SASH3: variants seen among roughly 807,000 people sequenced by gnomAD.
The protein encoded by SASH3 is SAM and SH3 domain containing 3.
SASH3 carries 7 observed loss-of-function variants against 26.1 expected under a neutral mutation model. That is an observed-to-expected ratio of 0.27 (90% CI 0.15 to 0.50). The LOEUF is 0.50. Ranked by LOEUF, SASH3 falls within the 20% of genes least tolerant of loss-of-function variation. SASH3 has a pLI of 0.98. For missense variants in SASH3, 231 were observed against 318.3 expected (o/e 0.73, Z 2.09); for synonymous variants, 138 against 136.8 (o/e 1.01, Z -0.06).
At chrX:129,787,349 G>A (rs369945216) in intron 1 of SASH3, among the ~76,000 whole-genome samples, 2 of 111,969 alleles carry the variant, frequency 1.8e-5, no homozygotes, top group South Asian at 3.6e-4. Context: ...CCCCAATCAC[G>A]TATGTCCTAA....
At chrX:129,786,330 C>T (rs1036941240) in intron 1 of SASH3, among the ~76,000 whole-genome samples, 9 of 112,180 alleles carry the variant, frequency 8.0e-5, no homozygotes, top group African/African-American at 2.6e-4. Context: ...TAAACTGCTA[C>T]ACTGCAGTCC....
Position 129,793,050 on chromosome X carries a change from G to A in SASH3, c.863G>A (p.Arg288Gln), listed in dbSNP as rs777927882. ...ACACTGGAAGACTTCAAAGAGCTGC[G>A]AGAAACACACCTCAATGAGCTGAAC... ...YQTLEDFKEL[R>Q]ETHLNELNIM... Residue 288 changes from arginine to glutamine, a missense_variant, in exon 7 of 8, where the codon CGA (arginine) becomes CAA (glutamine). Arg to Gln is a conservative substitution (Grantham distance 43, BLOSUM62 1). Transcript: ENST00000356892. 5.8e-6 allele frequency: 7 copies of A among 1,211,551 alleles called. No individual in the cohort carries two copies. The highest frequency in any genetic ancestry group is 1.8e-5 in the South Asian group (1 of 56,992).
At chrX:129,788,137 G>GCGGGGGGGGGGGGGGGGGGGGGGGGGGGC in intron 2 of SASH3, 67 bp downstream of exon 2, 1 of 354,267 alleles carries the variant, frequency 2.8e-6, no homozygotes, top group Non-Finnish European at 5.4e-6. Context: ...GGGTGGGAGG[G>GCGGGGGGGGGGGGGGGGGGGGGGGGGGGC]AAGAGGGTGA....
At chrX:129,790,259 T>C (rs1927207099) in intron 3 of SASH3, among the ~76,000 whole-genome samples, 2 of 111,024 alleles carry the variant, frequency 1.8e-5, no homozygotes, top group Admixed American at 1.9e-4. Context: ...CGTCCAGTGA[T>C]GTCAAAATGG....
intron 5 of SASH3, 24 bp from the exon 6 acceptor site, chrX:129,792,603 T>TTCTCC: frequency 2.5e-6 from 3 of 1,204,052 alleles, no homozygotes; most frequent in Non-Finnish European, 3.4e-6. Flanking sequence ...CCTTGCTCCC[T>TTCTCC]TCTCCTCTCC....
chrX:129,786,872 G>A (rs1361228785), intron 1 of SASH3, among the ~76,000 whole-genome samples: 2 of 110,416 alleles, frequency 1.8e-5, no homozygotes, highest in Admixed American at 1.9e-4. Context: ...GCAGGCACCT[G>A]TAGTCCCAGC....
rs145839385 is a variant in SASH3, at chrX:129,792,828, G to A, written c.793G>A (p.Gly265Ser). Residue 265 changes from glycine (G) to serine (S), a missense_variant, in exon 6 of 8, where the codon GGC becomes AGC. Gly to Ser is a moderately conservative substitution (Grantham distance 56). Coordinates refer to ENST00000356892, the MANE Select transcript of SASH3 (RefSeq NM_018990.4). ...KTLHELLERI[G>S]LEEHTSTLLL... The stretch of plus-strand genomic sequence containing the variant: ...CCTGCATGAGCTGCTGGAGCGCATC[G>A]GCCTGGAGGTTTGAGCTTGGTCCTC... 2.9e-5 allele frequency: 34 copies of A among 1,182,611 alleles called. No individual in the cohort carries two copies. Among genetic ancestry groups the A allele is most frequent in the Non-Finnish European group, 3.7e-5 (33 of 882,961 alleles).
In SASH3 at chrX:129,792,782, C is replaced by G. The variant is rs1927255465; in HGVS notation, c.747C>G (p.Gly249=). 3.3e-6 allele frequency: 4 copies of G among 1,202,012 alleles called. No homozygotes were observed. The highest frequency in any genetic ancestry group is 1.1e-6 in the Non-Finnish European group (1 of 893,001). ...HARPSRRQSK[G]KRPKPKTLHE... ...GCCCCAGCCGCCGACAGAGCAAGGG[C>G]AAGAGGCCCAAGCCTAAGACCCTGC... Residue 249 remains glycine, a synonymous_variant, in exon 6 of 8, where the codon GGC becomes GGG. Transcript: ENST00000356892.
In SASH3 at chrX:129,791,096, C is replaced by T. The variant is rs747431851; in HGVS notation, c.442+15C>T. On this transcript the variant is annotated intron_variant, in intron 4 of 7. Transcript: ENST00000356892. ...GGCATCAACAGGTGAGTAGGGGATG[C>T]GGGGGACACCTGCCGAATCTGGAGG... is the stretch of plus-strand genomic sequence containing the variant. 2.6e-5 allele frequency: 31 copies of T among 1,202,027 alleles called. No individual in the cohort carries two copies. The highest frequency in any genetic ancestry group is 1.1e-4 in the South Asian group (6 of 55,883).
chrX:129,792,540 G>A, intron 5 of SASH3, 64 bp downstream of exon 5: 4 of 1,205,222 alleles, frequency 3.3e-6, no homozygotes, highest in Non-Finnish European at 4.5e-6. Context: ...AAGCTGGACT[G>A]AACCAGGCTA....
chrX:129,780,061 A>G lies in SASH3; in HGVS notation c.-37A>G, dbSNP rs1926987338. 8.4e-7 allele frequency: 1 copy of G among 1,195,206 alleles called. No individual in the cohort carries two copies. Among genetic ancestry groups the G allele is most frequent in the African/African-American group, 1.8e-5 (1 of 57,006 alleles). On this transcript the variant is annotated 5_prime_UTR_variant, in exon 1 of 8. The change abolishes the stop of an existing upstream ORF in the 5' untranslated region. Transcript: ENST00000356892. The stretch of plus-strand genomic sequence containing the variant: ...AAGAGGCCTCTGCATCTTGACACCT[A>G]GGAGAGCAGGGACGGAGTCTCCCAG...
In SASH3 at chrX:129,788,468, A is replaced by G. The variant is rs777364769; in HGVS notation, c.191A>G (p.Asp64Gly). Residue 64 changes from aspartate (D) to glycine (G), a missense_variant, in exon 3 of 8, where the codon GAT (aspartate) becomes GGT (glycine). By Grantham distance (94) the Asp-to-Gly change is moderately conservative. Transcript: ENST00000356892. ...EDDSGVPTPE[D>G]AGKSGKKLGK... ...GACTCAGGTGTCCCCACCCCAGAAG[A>G]TGCTGGGAAGAGTGGCAAAAAGCTG... is the stretch of plus-strand genomic sequence containing the variant. 2.5e-6 allele frequency: 3 copies of G among 1,210,915 alleles called. No individual in the cohort carries two copies. The highest frequency in any genetic ancestry group is 3.4e-6 in the Non-Finnish European group (3 of 894,629).
rs1293367501 is a variant in SASH3, at chrX:129,788,458, A to C, written c.181A>C (p.Thr61Pro). The change falls in exon 3 of 8, where the codon ACC becomes CCC. Residue 61 changes from threonine to proline, a missense_variant. Thr to Pro is a conservative substitution (Grantham distance 38). Transcript: ENST00000356892. Reference sequence around the variant, plus strand: ...TCCAGAAGATGACTCAGGTGTCCCCACCCCAGAAGATGCTGGGAAGAGTGG... The same window carrying C: ...TCCAGAAGATGACTCAGGTGTCCCCCCCCCAGAAGATGCTGGGAAGAGTGG... ...NIPEDDSGVP[T>P]PEDAGKSGKK... The C allele has an allele frequency of 4.1e-6, 5 of 1,209,341 alleles. No homozygotes were observed. Among genetic ancestry groups the C allele is most frequent in the Non-Finnish European group, 5.6e-6 (5 of 894,693 alleles).
At chrX:129,785,111 T>C (rs977981710) in intron 1 of SASH3, among the ~76,000 whole-genome samples, 5 of 110,375 alleles carry the variant, frequency 4.5e-5, no homozygotes, top group African/African-American at 1.6e-4. Context: ...ATATTTCAAA[T>C]GTAATATACA....
chrX:129,789,028 G>A (rs1398421916), intron 3 of SASH3, among the ~76,000 whole-genome samples: 1 of 106,984 alleles, frequency 9.3e-6, no homozygotes, highest in Non-Finnish European at 1.9e-5. Context: ...CTTGAACTTA[G>A]GAGACAGAGG....
rs774719160 is a variant in SASH3 at position 129,794,232 on chromosome X, G to A, written c.*400G>A. On this transcript the variant is annotated 3_prime_UTR_variant, in exon 8 of 8. Transcript: ENST00000356892. ...CCCCTGTCGCACTGCTCCTGAAAAG[G>A]GGGCCAAGTCAATGTTTCAGGTCAG... 4 of 176,689 alleles carry A rather than the reference G, an allele frequency of 2.3e-5. No homozygotes were observed. The highest frequency in any genetic ancestry group is 4.3e-5 in the Non-Finnish European group (4 of 93,358). The allele number at this position is 176,689 out of a possible 1,213,427, so 14.6% of individuals were successfully genotyped here.
chrX:129,784,423 T>G (rs1455265713), intron 1 of SASH3, among the ~76,000 whole-genome samples: 1 of 111,164 alleles, frequency 9.0e-6, no homozygotes, highest in Non-Finnish European at 1.9e-5. Flanking sequence ...GGTGGGGAAA[T>G]GCCCAGGGTA....
intron 3 of SASH3, among the ~76,000 whole-genome samples, chrX:129,789,121 G>A (rs868020942): frequency 2.8e-5 from 1 of 36,093 alleles, no homozygotes. Context: ...AAGAAAGAAA[G>A]AAAGAAAGAA....
At chrX:129,782,955 C>T (rs990743717) in intron 1 of SASH3, among the ~76,000 whole-genome samples, 1 of 111,805 alleles carries the variant, frequency 8.9e-6, no homozygotes, top group Non-Finnish European at 1.9e-5. Flanking sequence ...CACCCAAAGG[C>T]CAGTGTTGGG....
Sources: gnomAD v4.1 joint callset for allele counts (sites outside exome capture counted in the v4.1 genomes callset) on GRCh38, gnomAD v4.1.1 for gene constraint, MANE v1.5 for transcripts, NCBI Gene and HGNC (gene_info 2026-07-23, HGNC 2026-07-21) for gene names.